KIF6: variants seen among roughly 807,000 people sequenced by gnomAD.
The protein encoded by KIF6 is kinesin-like protein KIF6.
A neutral mutation model predicts 112.7 loss-of-function variants in KIF6; 106 were observed. The observed-to-expected ratio is 0.94, with a 90% CI of 0.80 to 1.11. The LOEUF is 1.11. Ranked by LOEUF, KIF6 falls within the 50% of genes least tolerant of loss-of-function variation. The pLI is 0.00. For synonymous variants in KIF6, 339 were observed against 339.9 expected (o/e 1.00, Z 0.03); for missense variants, 929 against 964.0 (o/e 0.96, Z 0.48).
chr6:39,507,211 A>G (rs1776471089), intron 13 of KIF6, among the ~76,000 whole-genome samples: 1 of 152,120 alleles, frequency 6.6e-6, no homozygotes, highest in African/African-American at 2.4e-5. Context: ...AACTTGTGAG[A>G]TCTGATGATT....
At chr6:39,345,877 A>G (rs1453585273) in intron 20 of KIF6, 88 bp from the exon 21 acceptor site, 1 of 898,954 alleles carries the variant, frequency 1.1e-6, no homozygotes, top group East Asian at 2.5e-5. Context: ...GCTGTTATGG[A>G]CTGAATGTGT....
chr6:39,690,286 A>G (rs1468447572), intron 3 of KIF6: 1 of 152,126 alleles, frequency 6.6e-6, no homozygotes, highest in Non-Finnish European at 1.5e-5. Context: ...GGTGGTAGGC[A>G]CTGATGCAAA....
chr6:39,369,164 TG>T (rs1423994441), intron 16 of KIF6, among the ~76,000 whole-genome samples: 1 of 152,234 alleles, frequency 6.6e-6, no homozygotes, highest in Non-Finnish European at 1.5e-5. Flanking sequence ...GCAAAGATTC[TG>T]GCTTCCCAAT....
intron 5 of KIF6, among the ~76,000 whole-genome samples, chr6:39,627,826 A>G (rs1784166163): frequency 6.6e-6 from 1 of 152,152 alleles, no homozygotes; most frequent in Admixed American, 6.6e-5. Context: ...TATTTTCTCT[A>G]CAGCTGAGAC....
Position 39,411,967 on chromosome 6 carries a change from C to T in KIF6, c.1810+7981G>A, listed in dbSNP as rs71571369. Among the ~76,000 whole-genome samples, 1,021 of 152,246 alleles carry T rather than the reference C, an allele frequency of 6.7e-3. 9 individuals carry two copies. Among genetic ancestry groups the T allele is most frequent in the South Asian group, 0.016 (79 of 4,824 alleles). ...TCCCCCTGATTTGCAGTCCATTTGA[C>T]GGGCATGGGTCAGCATTCCTCTGTT... On this transcript the variant is annotated intron_variant, in intron 15 of 22. Coordinates refer to ENST00000287152, the MANE Select transcript of KIF6 (RefSeq NM_145027.6).
intron 6 of KIF6, among the ~76,000 whole-genome samples, chr6:39,605,762 A>G (rs1006651168): frequency 2.0e-5 from 3 of 152,192 alleles, no homozygotes; most frequent in Admixed American, 6.5e-5. Flanking sequence ...AGGCATAACA[A>G]CCTATTTTAT....
intron 16 of KIF6, among the ~76,000 whole-genome samples, chr6:39,383,112 G>A (rs1414472011): frequency 2.6e-5 from 4 of 151,870 alleles, no homozygotes; most frequent in Non-Finnish European, 5.9e-5. Context: ...CATTCTGTAG[G>A]TTGTCTGTTT....
intron 3 of KIF6, among the ~76,000 whole-genome samples, chr6:39,701,669 G>T (rs1026822137): frequency 6.6e-6 from 1 of 152,224 alleles, no homozygotes. Flanking sequence ...GGAAGCCAGA[G>T]TTCCTTCTAG....
chr6:39,438,254 G>A (rs1229264982), intron 13 of KIF6, among the ~76,000 whole-genome samples: 1 of 152,196 alleles, frequency 6.6e-6, no homozygotes, highest in Non-Finnish European at 1.5e-5. Context: ...GATTACAGGT[G>A]TGAGCCACTG....
At position 39,563,916 on chromosome 6, in the gene KIF6, ATT is replaced by A. The variant is rs1382825986; in HGVS notation, c.1181+14138_1181+14139del. ...AAAATTGCACCTCATTTTAATTTGC[ATT>A]TCTTTGATAATTAACCAGTTGTTTC... is the stretch of plus-strand genomic sequence containing the variant. On this transcript the variant is annotated intron_variant, in intron 10 of 22. Coordinates refer to ENST00000287152, the MANE Select transcript of KIF6 (RefSeq NM_145027.6). Among the ~76,000 whole-genome samples, 3 of 152,282 alleles carry A rather than the reference ATT, an allele frequency of 2.0e-5. No individual in the cohort carries two copies. In the South Asian group the frequency reaches 6.2e-4, roughly 32 times the overall value.
intron 13 of KIF6, among the ~76,000 whole-genome samples, chr6:39,478,092 TA>T (rs1232684846): frequency 6.6e-6 from 1 of 152,164 alleles, no homozygotes; most frequent in Admixed American, 6.5e-5. Context: ...GGTATTTGGT[TA>T]CATGAGTAAG....
At chr6:39,682,039 A>G (rs569380209) in intron 3 of KIF6, among the ~76,000 whole-genome samples, 1 of 152,324 alleles carries the variant, frequency 6.6e-6, no homozygotes, top group South Asian at 2.1e-4. Context: ...TACTTACTAC[A>G]TATCATGTGT....
intron 5 of KIF6, among the ~76,000 whole-genome samples, chr6:39,620,659 T>C (rs1783763011): frequency 6.6e-6 from 1 of 152,192 alleles, no homozygotes; most frequent in East Asian, 1.9e-4. Context: ...TGTTAATATA[T>C]TGCCTTAATT....
chr6:39,652,301 G>C (rs1339574208), intron 3 of KIF6, among the ~76,000 whole-genome samples: 2 of 152,076 alleles, frequency 1.3e-5, no homozygotes, highest in Admixed American at 1.3e-4. Context: ...AGGCCAAGCA[G>C]GTGGATTACC....
intron 13 of KIF6, among the ~76,000 whole-genome samples, chr6:39,517,885 C>T (rs964068304): frequency 6.6e-6 from 1 of 152,162 alleles, no homozygotes; most frequent in Admixed American, 6.6e-5. Flanking sequence ...TATCTTGAGC[C>T]TTGGTGAGAA....
intron 15 of KIF6, among the ~76,000 whole-genome samples, chr6:39,402,196 A>G (rs1464040720): frequency 2.6e-5 from 4 of 152,100 alleles, no homozygotes; most frequent in Non-Finnish European, 5.9e-5. Flanking sequence ...TTCAGCTTCT[A>G]CTTGGGGCAA....
intron 15 of KIF6, among the ~76,000 whole-genome samples, chr6:39,413,698 C>A (rs1769664652): frequency 6.6e-6 from 1 of 151,980 alleles, no homozygotes. Flanking sequence ...TGTAGTCAAG[C>A]AGAACTGAGA....
At chr6:39,576,876 T>G (rs1303880983) in intron 10 of KIF6, among the ~76,000 whole-genome samples, 1 of 152,240 alleles carries the variant, frequency 6.6e-6, no homozygotes, top group Non-Finnish European at 1.5e-5. Context: ...GGTTCTGTTT[T>G]CTTGGCTGGA....
At chr6:39,443,019 C>T (rs1772024596) in intron 13 of KIF6, among the ~76,000 whole-genome samples, 2 of 151,504 alleles carry the variant, frequency 1.3e-5, no homozygotes, top group Admixed American at 1.3e-4. Flanking sequence ...GAGGCTGAGG[C>T]AGAAGAATGG....
Sources: allele counts gnomAD v4.1 joint callset (sites outside exome capture counted in the v4.1 genomes callset), GRCh38; gene constraint gnomAD v4.1.1; transcripts MANE v1.5; gene names NCBI Gene and HGNC (gene_info 2026-07-23, HGNC 2026-07-21).